Variants in MMS19 observed in about 807,000 individuals in gnomAD.
MMS19 encodes the protein MMS19 nucleotide excision repair protein homolog.
A neutral mutation model predicts 129.8 loss-of-function variants in MMS19; 77 were observed. That is an observed-to-expected ratio of 0.59 (90% CI 0.49 to 0.72). The LOEUF (loss-of-function observed/expected upper bound fraction) is 0.72, where lower values mean the gene tolerates loss of function less well. Among genes scored for constraint, MMS19 ranks in the 30% least tolerant of loss-of-function variants. The probability of loss-of-function intolerance (pLI) is 0.00; values close to 1 mark genes in which losing one functional copy is unlikely to be tolerated. For missense variants in MMS19, 1,168 were observed against 1,266.3 expected, an observed-to-expected ratio of 0.92 and a Z score of 1.18; for synonymous variants, 491 against 502.8, an observed-to-expected ratio of 0.98 and a Z score of 0.31.
At chr10:97,469,198 G>A in intron 11 of MMS19, 94 bp from the exon 12 acceptor site, 1 of 1,433,300 alleles carries the variant, frequency 7.0e-7, no homozygotes, top group Non-Finnish European at 9.3e-7. Flanking sequence ...AGAGGGGAGT[G>A]AGAACCTCTA....
At position 97,484,135 on chromosome 10, in the gene MMS19, G is replaced by T; in HGVS notation, c.129C>A (p.Asn43Lys). Residue 43 changes from asparagine to lysine, a missense_variant, in exon 2 of 31, where the codon AAC becomes AAA. Asn to Lys is a moderately conservative substitution (Grantham distance 94). Transcript: ENST00000438925. ...DQVAADVKSGNYTVLQVVEAL... is the reference protein window; with the variant it reads ...DQVAADVKSGKYTVLQVVEAL... ...CTTCCACAACTTGTAACACTGTATA[G>T]TTGCCAGATTTCACATCTGCAGGAA... 6.5e-7 allele frequency: 1 copy of T among 1,534,538 alleles called. No individual in the cohort carries two copies.
In MMS19 at chr10:97,470,182, C is replaced by G. The variant is rs2034386919; in HGVS notation, c.793G>C (p.Glu265Gln). The change falls in exon 10 of 31, where the codon GAG becomes CAG. Residue 265 changes from glutamate to glutamine, a missense_variant. Glu to Gln is a conservative substitution (Grantham distance 29). Around this residue, in one of 3 missense-constraint regions of MMS19, gnomAD observed 8 missense variants for 26.9 expected, o/e 0.30. Transcript: ENST00000438925. ...CTCAGAACCTCAGAATCCACTTTCT[C>G]AATCAACAGGGGCAGCAGAAACTGT... The part of the protein sequence containing the change: ...FAEFLLPLLI[E>Q]KVDSEVLSAK... 6.2e-7 allele frequency: 1 copy of G among 1,608,178 alleles called. No homozygotes were observed. The highest frequency in any genetic ancestry group is 8.5e-7 in the Non-Finnish European group (1 of 1,177,260).
intron 3 of MMS19, among the ~76,000 whole-genome samples, chr10:97,480,086 G>A (rs1039775270): frequency 3.9e-5 from 6 of 152,172 alleles, no homozygotes; most frequent in East Asian, 3.8e-4. Context: ...CCCCACATGT[G>A]TAGAATATCA....
At chr10:97,460,663 C>A (rs967304412) in intron 25 of MMS19, 32 bp downstream of exon 25, 3 of 1,555,724 alleles carry the variant, frequency 1.9e-6, no homozygotes, top group African/African-American at 1.4e-5. Flanking sequence ...TTGTTTAGGT[C>A]CTGGGTTCTT....
In MMS19 at chr10:97,498,292, G is replaced by C. The variant is rs1361790325; in HGVS notation, c.93C>G (p.Pro31=). The C allele has an allele frequency of 2.5e-6, 4 of 1,569,550 alleles. No individual in the cohort carries two copies. Among genetic ancestry groups the C allele is most frequent in the South Asian group, 2.3e-5 (2 of 87,060 alleles). ...HDFVVGQQEG[P]ADQVAADVKS... Reference sequence around the variant, plus strand: ...CCGTACCTGCAGCCACCTGGTCAGCGGGGCCCTCTTGCTGACCCACGACGA... The same window carrying C: ...CCGTACCTGCAGCCACCTGGTCAGCCGGGCCCTCTTGCTGACCCACGACGA... Residue 31 remains proline, a synonymous_variant, in exon 1 of 31, where the codon CCC becomes CCG. Transcript: ENST00000438925.
intron 1 of MMS19, among the ~76,000 whole-genome samples, chr10:97,485,738 G>A (rs1733431472): frequency 6.6e-6 from 1 of 152,178 alleles, no homozygotes; most frequent in South Asian, 2.1e-4. Context: ...ATAAGCCACC[G>A]CACCTAGACG....
intron 10 of MMS19, 24 bp downstream of exon 10, chr10:97,470,105 C>A: frequency 6.5e-7 from 1 of 1,543,962 alleles, no homozygotes; most frequent in Non-Finnish European, 8.9e-7. Context: ...GTAGCTGGGT[C>A]CTGCAAGGAG....
chr10:97,458,971 T>A, intron 29 of MMS19, 71 bp from the exon 30 acceptor site: 1 of 1,447,616 alleles, frequency 6.9e-7, no homozygotes, highest in Non-Finnish European at 9.6e-7. Flanking sequence ...TTTGATTCTG[T>A]ACAACTAATA....
chr10:97,475,672 G>A (rs1162012852), intron 8 of MMS19, among the ~76,000 whole-genome samples: 3 of 152,188 alleles, frequency 2.0e-5, no homozygotes, highest in African/African-American at 7.2e-5. Flanking sequence ...AGGAGGCAGA[G>A]GTTGCAGTGA....
Position 97,465,963 on chromosome 10 carries a change from A to C in MMS19, c.1607-9T>G. 8.7e-6 allele frequency: 14 copies of C among 1,613,676 alleles called. No individual in the cohort carries two copies. Among genetic ancestry groups the C allele is most frequent in the Non-Finnish European group, 1.2e-5 (14 of 1,179,710 alleles). On this transcript the variant is annotated splice_polypyrimidine_tract_variant and intron_variant, in intron 17 of 30. Transcript: ENST00000438925. ...AGTCAAATTTGACTCCCCTGAAAGC[A>C]ACCCATGAGACAAAGGTTTACTGTG...
chr10:97,494,476 T>C (rs1308337752), intron 1 of MMS19, among the ~76,000 whole-genome samples: 1 of 152,140 alleles, frequency 6.6e-6, no homozygotes, highest in African/African-American at 2.4e-5. Flanking sequence ...CAGGACTAAG[T>C]TCCAATCAAG....
At chr10:97,464,638 G>A (rs1378844114) in intron 18 of MMS19, among the ~76,000 whole-genome samples, 1 of 151,886 alleles carries the variant, frequency 6.6e-6, no homozygotes, top group Non-Finnish European at 1.5e-5. Flanking sequence ...TGAGCACCAC[G>A]GCCTTAGGGT....
chr10:97,485,058 A>G (rs898720542), intron 1 of MMS19, among the ~76,000 whole-genome samples: 2 of 152,164 alleles, frequency 1.3e-5, no homozygotes, highest in African/African-American at 4.8e-5. Context: ...TACAGATGTG[A>G]GCCACTGCGT....
At chr10:97,495,001 T>C (rs147939318) in intron 1 of MMS19, among the ~76,000 whole-genome samples, 1 of 152,296 alleles carries the variant, frequency 6.6e-6, no homozygotes, top group African/African-American at 2.4e-5. Context: ...ACTAAATACA[T>C]GAGTGGTTGA....
chr10:97,471,038 T>C (rs1165653500), intron 8 of MMS19, among the ~76,000 whole-genome samples, 177 bp from the exon 9 acceptor site: 1 of 152,176 alleles, frequency 6.6e-6, no homozygotes, highest in Non-Finnish European at 1.5e-5. Flanking sequence ...TTGGGAACTT[T>C]TGTCTTTAGG....
intron 1 of MMS19, among the ~76,000 whole-genome samples, chr10:97,492,614 C>T (rs945850025): frequency 5.3e-5 from 8 of 151,340 alleles, no homozygotes; most frequent in African/African-American, 1.2e-4. Flanking sequence ...TTTGGGAGGC[C>T]GAGGCAGGTG....
intron 8 of MMS19, among the ~76,000 whole-genome samples, chr10:97,473,706 T>C (rs748305985): frequency 6.6e-6 from 1 of 152,116 alleles, no homozygotes; most frequent in Non-Finnish European, 1.5e-5. Flanking sequence ...GAAAATTATA[T>C]GAAATTCAAA....
chr10:97,489,454 C>T (rs545473466), intron 1 of MMS19, among the ~76,000 whole-genome samples: 35 of 152,298 alleles, frequency 2.3e-4, no homozygotes, highest in South Asian at 8.3e-4. Flanking sequence ...AATGACAGTG[C>T]GGAGTTCCCG....
In MMS19 at chr10:97,462,695, C is replaced by T; in HGVS notation, c.1913-13G>A. The T allele has an allele frequency of 6.4e-7, 1 of 1,568,894 alleles. No homozygotes were observed. The highest frequency in any genetic ancestry group is 1.1e-5 in the South Asian group (1 of 90,120). On this transcript the variant is annotated splice_polypyrimidine_tract_variant and intron_variant, in intron 19 of 30. Transcript: ENST00000438925. ...GAGGGCTCCTTCTCTGCAAAACACACACACATGCACACAATCACAAGACCA... is the reference window on the plus strand; with the variant it reads ...GAGGGCTCCTTCTCTGCAAAACACATACACATGCACACAATCACAAGACCA...
Sources: allele counts gnomAD v4.1 joint callset (sites outside exome capture counted in the v4.1 genomes callset), GRCh38; gene constraint gnomAD v4.1.1; regional missense constraint gnomAD v4.1.1; transcripts MANE v1.5; gene names NCBI Gene and HGNC (gene_info 2026-07-23, HGNC 2026-07-21).